The following TBC1D1 variants were observed in gnomAD, a reference collection of about 807,000 sequenced individuals.
TBC1D1 encodes the protein TBC1 domain family member 1.
Under a neutral mutation model 125.6 loss-of-function variants are expected in TBC1D1, and 89 were observed. The ratio of observed to expected loss-of-function variants is 0.71; its 90% CI spans 0.60 to 0.85. The LOEUF is 0.85. Ranked by LOEUF, TBC1D1 falls within the 40% of genes least tolerant of loss-of-function variation. TBC1D1 has a pLI of 0.00. For missense variants in TBC1D1, 1,377 were observed against 1,469.2 expected (o/e 0.94, Z 1.03); for synonymous variants, 565 against 564.1 (o/e 1.00, Z -0.02).
intron 12 of TBC1D1, among the ~76,000 whole-genome samples, chr4:38,083,222 T>A (rs1756885033): frequency 6.6e-6 from 1 of 152,242 alleles, no homozygotes; most frequent in South Asian, 2.1e-4. Flanking sequence ...AGATCACTTT[T>A]GCTTAAAAAA....
At chr4:38,050,748 G>A (rs1010544178) in intron 11 of TBC1D1, among the ~76,000 whole-genome samples, 2 of 152,192 alleles carry the variant, frequency 1.3e-5, no homozygotes, top group African/African-American at 4.8e-5. Context: ...GTTCATACAC[G>A]GATCATTGAG....
At chr4:38,013,693 A>G (rs151298751) in intron 2 of TBC1D1, among the ~76,000 whole-genome samples, 1 of 152,348 alleles carries the variant, frequency 6.6e-6, no homozygotes, top group Non-Finnish European at 1.5e-5. Context: ...TCAGAGGTTA[A>G]TGATGAGAGG....
chr4:37,944,068 C>A (rs1241921428), intron 2 of TBC1D1, among the ~76,000 whole-genome samples: 1 of 152,210 alleles, frequency 6.6e-6, no homozygotes, highest in Non-Finnish European at 1.5e-5. Context: ...GGACCCTCAG[C>A]TGCAGGTCTG....
intron 18 of TBC1D1, 59 bp from the exon 21 acceptor site, chr4:38,133,025 C>A: frequency 6.6e-7 from 1 of 1,517,160 alleles, no homozygotes; most frequent in Non-Finnish European, 9.0e-7. Flanking sequence ...CAGACGCCTG[C>A]CTGTACTTGT....
chr4:37,941,403 T>C (rs1725536253), intron 2 of TBC1D1, among the ~76,000 whole-genome samples: 2 of 152,262 alleles, frequency 1.3e-5, no homozygotes, highest in African/African-American at 4.8e-5. Context: ...ATCTATTTGA[T>C]TCTTCTCTCT....
At chr4:38,042,043 G>A (rs1748491367) in intron 8 of TBC1D1, among the ~76,000 whole-genome samples, 1 of 151,980 alleles carries the variant, frequency 6.6e-6, no homozygotes, top group African/African-American at 2.4e-5. Context: ...AGATGTGGTG[G>A]CGCACACTTG....
chr4:38,021,026 C>T (rs1743893706), intron 5 of TBC1D1, among the ~76,000 whole-genome samples: 1 of 152,146 alleles, frequency 6.6e-6, no homozygotes, highest in Non-Finnish European at 1.5e-5. Context: ...TCTGTTCTCA[C>T]ACTGCTAATA....
At chr4:37,893,915 A>G (rs1389502801) in intron 1 of TBC1D1, among the ~76,000 whole-genome samples, 4 of 152,072 alleles carry the variant, frequency 2.6e-5, no homozygotes, top group Admixed American at 6.6e-5. Flanking sequence ...TTCCAACACC[A>G]CATTCCAATA....
intron 14 of TBC1D1, among the ~76,000 whole-genome samples, chr4:38,101,367 C>T (rs1391318007): frequency 6.6e-6 from 1 of 152,168 alleles, no homozygotes; most frequent in South Asian, 2.1e-4. Flanking sequence ...TCTTCTTGCT[C>T]TCCCCCTTTC....
chr4:38,074,941 A>G (rs1462061670), intron 12 of TBC1D1, among the ~76,000 whole-genome samples: 1 of 152,020 alleles, frequency 6.6e-6, no homozygotes, highest in Admixed American at 6.6e-5. Context: ...TTGTATTTTT[A>G]GTAGAGACAG....
intron 2 of TBC1D1, among the ~76,000 whole-genome samples, chr4:37,993,360 C>A (rs1238855501): frequency 6.6e-6 from 1 of 152,116 alleles, no homozygotes; most frequent in Non-Finnish European, 1.5e-5. Context: ...CCTGCGCCTC[C>A]CCTTAAGGCT....
intron 2 of TBC1D1, among the ~76,000 whole-genome samples, chr4:37,919,408 A>G (rs1054232117): frequency 2.7e-5 from 4 of 149,538 alleles, no homozygotes; most frequent in African/African-American, 9.8e-5. Context: ...CTGTTCTTAA[A>G]CTCCTGACCT....
At chr4:38,081,310 C>G (rs562307112) in intron 12 of TBC1D1, among the ~76,000 whole-genome samples, 1 of 152,102 alleles carries the variant, frequency 6.6e-6, no homozygotes, top group Non-Finnish European at 1.5e-5. Context: ...AGGAGGAAGC[C>G]GTCTCCGAGG....
At chr4:38,025,257 G>A (rs931042035) in intron 6 of TBC1D1, among the ~76,000 whole-genome samples, 1 of 152,206 alleles carries the variant, frequency 6.6e-6, no homozygotes, top group Non-Finnish European at 1.5e-5. Flanking sequence ...CTTGATGCTG[G>A]TTACCTTTTC....
intron 11 of TBC1D1, 56 bp downstream of exon 12, chr4:38,052,116 CT>C: frequency 6.6e-7 from 1 of 1,526,596 alleles, no homozygotes; most frequent in Admixed American, 2.0e-5. Flanking sequence ...GGAGTTCACA[CT>C]GATGAGGATG....
intron 12 of TBC1D1, among the ~76,000 whole-genome samples, chr4:38,070,355 A>C (rs1370605886): frequency 6.6e-6 from 1 of 152,252 alleles, no homozygotes; most frequent in Non-Finnish European, 1.5e-5. Flanking sequence ...CTACACAACC[A>C]AAGATGGTCC....
chr4:38,069,316 C>T (rs1754290703), intron 12 of TBC1D1, among the ~76,000 whole-genome samples: 1 of 152,176 alleles, frequency 6.6e-6, no homozygotes, highest in South Asian at 2.1e-4. Context: ...GTTTCAGCTC[C>T]TTGTGAGAGG....
chr4:37,914,361 A>G (rs1265009126), intron 2 of TBC1D1, among the ~76,000 whole-genome samples: 6 of 152,182 alleles, frequency 3.9e-5, no homozygotes, highest in Admixed American at 6.5e-5. Flanking sequence ...GTCTTCTTCT[A>G]TAGCTCTAAG....
intron 4 of TBC1D1, among the ~76,000 whole-genome samples, chr4:38,018,749 G>T (rs1351564509): frequency 6.6e-6 from 1 of 151,948 alleles, no homozygotes; most frequent in African/African-American, 2.4e-5. Context: ...GTGTCTTTGT[G>T]CATATTACAC....
Sources: gnomAD v4.1 joint callset for allele counts (sites outside exome capture counted in the v4.1 genomes callset) on GRCh38, gnomAD v4.1.1 for gene constraint, MANE v1.5 for transcripts, NCBI Gene and HGNC (gene_info 2026-07-23, HGNC 2026-07-21) for gene names.